CLSTN1: variants seen among roughly 807,000 people sequenced by gnomAD.
CLSTN1 encodes the protein calsyntenin-1.
A neutral mutation model predicts 108.3 loss-of-function variants in CLSTN1; 28 were observed. The observed-to-expected ratio is 0.26, with a 90% CI of 0.19 to 0.35. The LOEUF is 0.35. Among genes scored for constraint, CLSTN1 ranks in the 10% least tolerant of loss-of-function variants. The probability of loss-of-function intolerance (pLI) is 1.00; values close to 1 mark genes in which losing one functional copy is unlikely to be tolerated. For synonymous variants in CLSTN1, 524 were observed against 534.9 expected (o/e 0.98, Z 0.28); for missense variants, 1,157 against 1,302.6 (o/e 0.89, Z 1.72).
chr1:9,791,398 G>C (rs1375430520), intron 1 of CLSTN1, among the ~76,000 whole-genome samples: 1 of 151,204 alleles, frequency 6.6e-6, no homozygotes, highest in Non-Finnish European at 1.5e-5. Flanking sequence ...TGTCCAGCTA[G>C]TTTTAAAATT....
chr1:9,764,564 G>A (rs576178748), intron 2 of CLSTN1, among the ~76,000 whole-genome samples: 2 of 148,628 alleles, frequency 1.3e-5, no homozygotes, highest in South Asian at 4.3e-4. Flanking sequence ...TTGAATATCT[G>A]AGGCAGAGGT....
At chr1:9,816,652 G>T (rs1654984441) in intron 1 of CLSTN1, among the ~76,000 whole-genome samples, 1 of 151,444 alleles carries the variant, frequency 6.6e-6, no homozygotes, top group Non-Finnish European at 1.5e-5. Context: ...GACAAAAGTG[G>T]TCTTTTTTTT....
intron 1 of CLSTN1, among the ~76,000 whole-genome samples, chr1:9,815,217 G>A (rs1335226929): frequency 6.6e-6 from 1 of 152,190 alleles, no homozygotes; most frequent in East Asian, 1.9e-4. Flanking sequence ...TTAGTCCTCA[G>A]GAAAGCTGAC....
rs753957372 is a variant in CLSTN1 at position 9,756,550 on chromosome 1, A to G, written c.215-40T>C. 4.4e-6 allele frequency: 7 copies of G among 1,587,040 alleles called. No individual in the cohort carries two copies. The East Asian group carries it at 1.1e-4, about 25-fold the overall frequency. ...GATAAGCCCATGTCAGTAATACAGG[A>G]AAGAATGAAGATGGAATACACTAAG... On this transcript the variant is annotated intron_variant, in intron 2 of 18. Coordinates refer to ENST00000377298, the MANE Select transcript of CLSTN1 (RefSeq NM_001009566.3).
Position 9,749,932 on chromosome 1 carries a change from A to G in CLSTN1, c.650-19T>C, listed in dbSNP as rs1651473835. The stretch of plus-strand genomic sequence containing the variant: ...ATATAACCTTACAGAGGGCAAAAAC[A>G]ACAGTGAGAGCCAAAACCCATGCTG... On this transcript the variant is annotated intron_variant, in intron 5 of 18. Transcript: ENST00000377298. The G allele has an allele frequency of 1.9e-6, 3 of 1,609,036 alleles. No homozygotes were observed. The highest frequency in any genetic ancestry group is 4.5e-5 in the East Asian group (2 of 44,870).
chr1:9,786,201 A>G (rs1653478633), intron 1 of CLSTN1, among the ~76,000 whole-genome samples: 2 of 152,110 alleles, frequency 1.3e-5, no homozygotes, highest in Non-Finnish European at 2.9e-5. Context: ...CAAACAAAAA[A>G]CACACACATT....
At chr1:9,742,255 G>A (rs924158922) in intron 9 of CLSTN1, among the ~76,000 whole-genome samples, 1 of 152,084 alleles carries the variant, frequency 6.6e-6, no homozygotes, top group South Asian at 2.1e-4. Flanking sequence ...GATTATGCTT[G>A]TCTATGAGAT....
chr1:9,794,625 G>A (rs1199081572), intron 1 of CLSTN1, among the ~76,000 whole-genome samples: 1 of 151,246 alleles, frequency 6.6e-6, no homozygotes, highest in Non-Finnish European at 1.5e-5. Context: ...TAACTCTTAC[G>A]ATCCAAGCCA....
chr1:9,735,638 G>A, intron 12 of CLSTN1, 23 bp from the exon 13 acceptor site: 1 of 1,613,930 alleles, frequency 6.2e-7, no homozygotes, highest in Non-Finnish European at 8.5e-7. Flanking sequence ...CAGCCACAGA[G>A]AGGAGAAGAA....
At chr1:9,774,259 A>T (rs1182466200) in intron 1 of CLSTN1, among the ~76,000 whole-genome samples, 1 of 152,158 alleles carries the variant, frequency 6.6e-6, no homozygotes, top group African/African-American at 2.4e-5. Flanking sequence ...ACTTGACTGA[A>T]AACAAGAGTG....
chr1:9,765,023 T>A (rs1212519737), intron 2 of CLSTN1, among the ~76,000 whole-genome samples: 7 of 152,176 alleles, frequency 4.6e-5, no homozygotes, highest in Non-Finnish European at 1.0e-4. Flanking sequence ...TGTTACTCAA[T>A]GCATTATTGC....
At chr1:9,803,749 G>A (rs970409392) in intron 1 of CLSTN1, among the ~76,000 whole-genome samples, 5 of 151,986 alleles carry the variant, frequency 3.3e-5, no homozygotes, top group African/African-American at 1.2e-4. Context: ...GCTGCAGTGA[G>A]CAAGATCACA....
rs1431544325 is a variant in CLSTN1, at chr1:9,731,818, G to C, written c.2506C>G (p.His836Asp). 6.2e-7 allele frequency: 1 copy of C among 1,614,072 alleles called. No homozygotes were observed. Among genetic ancestry groups the C allele is most frequent in the Non-Finnish European group, 8.5e-7 (1 of 1,180,046 alleles). ...AAQPQFVHPE[H>D]RSFVDLSGHN... ...CCTGACAGGTCAACAAAGGAGCGGT[G>C]TTCCGGGTGCACGAACTGTGGCTGG... is the stretch of plus-strand genomic sequence containing the variant. Residue 836 changes from histidine (H) to aspartate (D), a missense_variant, in exon 17 of 19, where the codon CAC becomes GAC. Physicochemically the swap from His to Asp is moderately conservative, Grantham distance 81 (BLOSUM62 -1). Transcript: ENST00000377298.
Position 9,756,533 on chromosome 1 carries a change from C to G in CLSTN1, c.215-23G>C, listed in dbSNP as rs181708862. On this transcript the variant is annotated intron_variant, in intron 2 of 18. Coordinates refer to ENST00000377298, the MANE Select transcript of CLSTN1 (RefSeq NM_001009566.3). ...TCTCTAAAGGGAGAAAAGATAAGCC[C>G]ATGTCAGTAATACAGGAAAGAATGA... is the stretch of plus-strand genomic sequence containing the variant. 1.8e-3 allele frequency: 2,852 copies of G among 1,606,888 alleles called. 24 individuals carry two copies. Among genetic ancestry groups the G allele is most frequent in the South Asian group, 0.012 (1,066 of 90,794 alleles).
intron 7 of CLSTN1, among the ~76,000 whole-genome samples, chr1:9,747,827 A>AG (rs1651355365): frequency 6.6e-6 from 1 of 152,028 alleles, no homozygotes; most frequent in Non-Finnish European, 1.5e-5. Flanking sequence ...GCGGATCACG[A>AG]GGTCAGGAGA....
chr1:9,814,286 T>A (rs925764551), intron 1 of CLSTN1, among the ~76,000 whole-genome samples: 29 of 148,484 alleles, frequency 2.0e-4, no homozygotes, highest in East Asian at 1.8e-3. Context: ...GTGGTGTGTG[T>A]CTGTAGTTCC....
intron 2 of CLSTN1, among the ~76,000 whole-genome samples, chr1:9,764,571 A>C (rs543616067): frequency 2.0e-4 from 28 of 142,408 alleles, no homozygotes; most frequent in Non-Finnish European, 3.6e-4. Context: ...TCTGAGGCAG[A>C]GGTTGCAGTG....
intron 1 of CLSTN1, among the ~76,000 whole-genome samples, chr1:9,775,635 A>T (rs187457338): frequency 6.6e-6 from 1 of 152,228 alleles, no homozygotes; most frequent in East Asian, 1.9e-4. Flanking sequence ...TGTTCACCTT[A>T]AGAGGGTTAA....
chr1:9,736,125 G>A lies in CLSTN1; in HGVS notation c.1577-83C>T, dbSNP rs116760621. Reference sequence around the variant, plus strand: ...ACTTCTCACTCAACACGGTGTTACCGGTGCTGGCAGCTCAGTGGATGGACA... The same window carrying A: ...ACTTCTCACTCAACACGGTGTTACCAGTGCTGGCAGCTCAGTGGATGGACA... On this transcript the variant is annotated intron_variant, in intron 11 of 18. Transcript: ENST00000377298. 1.7e-3 allele frequency: 2,710 copies of A among 1,550,102 alleles called. 46 individuals are homozygous for A. In the African/African-American group the frequency reaches 0.032, roughly 18 times the overall value.
Sources: allele counts gnomAD v4.1 joint callset (sites outside exome capture counted in the v4.1 genomes callset), GRCh38; gene constraint gnomAD v4.1.1; transcripts MANE v1.5; gene names NCBI Gene and HGNC (gene_info 2026-07-23, HGNC 2026-07-21).